ZFPM1: variants seen among roughly 807,000 people sequenced by gnomAD.
ZFPM1 encodes the protein zinc finger protein ZFPM1.
ZFPM1 carries 28 observed loss-of-function variants against 46.3 expected under a neutral mutation model. That is an observed-to-expected ratio of 0.60 (90% confidence interval 0.45 to 0.83). The LOEUF (loss-of-function observed/expected upper bound fraction) is 0.83, where lower values mean the gene tolerates loss of function less well. Among genes scored for constraint, ZFPM1 ranks in the 40% least tolerant of loss-of-function variants. The pLI is 0.00. For synonymous variants in ZFPM1, 957 were observed against 675.9 expected (o/e 1.42, Z -6.45); for missense variants, 1,878 against 1,432.4 (o/e 1.31, Z -5.02).
rs919848808 is a variant in ZFPM1 at position 88,453,535 on chromosome 16, G to C, written c.-104G>C. ...GCCGGGGCGGCCGCGGAGACCGGGGGCCGGGGGCATGAGCGGCCCCGCGGC... is the reference window on the plus strand; with the variant it reads ...GCCGGGGCGGCCGCGGAGACCGGGGCCCGGGGGCATGAGCGGCCCCGCGGC... On this transcript the variant is annotated 5_prime_UTR_variant, in exon 1 of 10. Coordinates refer to ENST00000319555, the MANE Select transcript of ZFPM1 (RefSeq NM_153813.3). 56 of 506,548 alleles carry C rather than the reference G, an allele frequency of 1.1e-4. No homozygotes were observed. The African/African-American group carries it at 1.1e-3, about 10-fold the overall frequency. 31.4% of individuals were successfully genotyped at this position (506,548 alleles called of 1,614,324 possible).
At position 88,480,904 on chromosome 16, in the gene ZFPM1, C is replaced by T. The variant is rs931527051; in HGVS notation, c.41-5035C>T. On this transcript the variant is annotated intron_variant, in intron 1 of 9. Coordinates refer to ENST00000319555, the MANE Select transcript of ZFPM1 (RefSeq NM_153813.3). The surrounding 1 kb of genome is among the most constrained non-coding windows in gnomAD (Gnocchi z 4.9). ...CCCCCCAGCGCCTCGCCATCAAAGC[C>T]GGGAGGGGCCACCTTAATCGTCGGT... Among the ~76,000 whole-genome samples, 15 of 152,212 alleles carry T rather than the reference C, an allele frequency of 9.9e-5. No individual in the cohort carries two copies. Among genetic ancestry groups the T allele is most frequent in the East Asian group, 1.9e-4 (1 of 5,198 alleles).
intron 4 of ZFPM1, among the ~76,000 whole-genome samples, chr16:88,523,506 G>T (rs1175753980): frequency 1.1e-4 from 16 of 152,106 alleles, no homozygotes; most frequent in Non-Finnish European, 2.4e-4. Flanking sequence ...CGGCCACTTG[G>T]CACCGGGCAA....
intron 1 of ZFPM1, among the ~76,000 whole-genome samples, chr16:88,482,806 G>A (rs761730311): frequency 5.3e-5 from 8 of 152,264 alleles, no homozygotes; most frequent in East Asian, 3.9e-4. Flanking sequence ...CAGAAAGCCC[G>A]GGCCTCTAGA....
rs145935096 is a variant in ZFPM1 at position 88,529,756 on chromosome 16, C to T, written c.712+1518C>T. On this transcript the variant is annotated intron_variant, in intron 6 of 9. Transcript: ENST00000319555. The stretch of plus-strand genomic sequence containing the variant: ...GAAATGACTACTGGTCCTGACAGTG[C>T]AGAGGTCGCCATGACCCTGACCGAG... 1.3e-3 allele frequency among the ~76,000 whole-genome samples: 203 copies of T among 152,320 alleles called. 2 individuals carry two copies. The highest frequency in any genetic ancestry group is 0.01 in the Middle Eastern group (3 of 294).
chr16:88,490,665 G>A (rs1237878047), intron 3 of ZFPM1, among the ~76,000 whole-genome samples: 1 of 152,204 alleles, frequency 6.6e-6, no homozygotes, highest in Non-Finnish European at 1.5e-5. Context: ...CCCACAACAG[G>A]GCAGCCGGGG....
chr16:88,524,859 G>A (rs553628217), intron 4 of ZFPM1, among the ~76,000 whole-genome samples: 21 of 152,332 alleles, frequency 1.4e-4, no homozygotes, highest in East Asian at 3.9e-4. Flanking sequence ...GTCTGCAGAG[G>A]AGAACCTGAG....
Position 88,516,462 on chromosome 16 carries a change from TG to T in ZFPM1, c.402+1946del, listed in dbSNP as rs200222194. The T allele has an allele frequency of 6.9e-4, 273 of 398,260 alleles. 1 individual carries two copies. Among genetic ancestry groups the T allele is most frequent in the African/African-American group, 5.4e-3 (261 of 48,692 alleles). The allele number at this position is 398,260 out of a possible 1,614,324, so 24.7% of individuals were successfully genotyped here. A position where few individuals can be genotyped will look rare whatever the true frequency, so the allele number is the denominator to read the frequency against. ...GGCCAGAGGAGCCGCTGGGGCTCTGTGGGGAGCCCGGGGAGGAAGGAGCCCC... is the reference window on the plus strand; with the variant it reads ...GGCCAGAGGAGCCGCTGGGGCTCTGTGGGAGCCCGGGGAGGAAGGAGCCCC... On this transcript the variant is annotated intron_variant, in intron 4 of 9. Transcript: ENST00000319555.
chr16:88,521,478 G>A (rs1911880699), intron 4 of ZFPM1, among the ~76,000 whole-genome samples: 2 of 151,076 alleles, frequency 1.3e-5, no homozygotes, highest in South Asian at 4.2e-4. Context: ...GGGACCCCCC[G>A]CTAAGGTATC....
At position 88,519,958 on chromosome 16, in the gene ZFPM1, G is replaced by A. The variant is rs146345834; in HGVS notation, c.402+5438G>A. Among the ~76,000 whole-genome samples, 357 of 151,306 alleles carry A rather than the reference G, an allele frequency of 2.4e-3. 1 individual carries two copies. The South Asian group carries it at 0.035, about 15-fold the overall frequency. On this transcript the variant is annotated intron_variant, in intron 4 of 9. Transcript: ENST00000319555. Reference sequence around the variant, plus strand: ...GAGTGGATGGATGGATGAATGGATGGATGGATGGATGGATAGTGGGTAGGT... The same window carrying A: ...GAGTGGATGGATGGATGAATGGATGAATGGATGGATGGATAGTGGGTAGGT...
chr16:88,477,958 G>C (rs57583082), intron 1 of ZFPM1, among the ~76,000 whole-genome samples: 2 of 143,788 alleles, frequency 1.4e-5, no homozygotes, highest in Admixed American at 1.4e-4. Flanking sequence ...GCCTGAGGCC[G>C]ACCTCGGAGG....
rs750627572 is a variant in ZFPM1 at position 88,533,488 on chromosome 16, C to A, written c.1530C>A (p.Gly510=). ...CCGAGCTGTCCAGCCCCACGCCGGG[C>A]TCCAGCCCGGTGCCCGGCGAGCTGG... The part of the protein sequence containing the change: ...VKAELSSPTP[G]SSPVPGELGL... Residue 510 remains glycine, a synonymous_variant, in exon 10 of 10, where the codon GGC becomes GGA. Transcript: ENST00000319555. The A allele has an allele frequency of 1.1e-5, 15 of 1,402,398 alleles. No homozygotes were observed. In the East Asian group the frequency reaches 4.3e-4, roughly 41 times the overall value. The allele number at this position is 1,402,398 out of a possible 1,614,324, so 86.9% of individuals were successfully genotyped here.
intron 3 of ZFPM1, among the ~76,000 whole-genome samples, chr16:88,491,727 C>G (rs1459881059): frequency 6.6e-6 from 1 of 152,232 alleles, no homozygotes; most frequent in Non-Finnish European, 1.5e-5. Flanking sequence ...TGTGCATCCT[C>G]AGGACCAGGC....
chr16:88,534,472 C>T lies in ZFPM1; in HGVS notation c.2514C>T (p.Tyr838=). 6.7e-7 allele frequency: 1 copy of T among 1,487,972 alleles called. No individual in the cohort carries two copies. Among genetic ancestry groups the T allele is most frequent in the Non-Finnish European group, 8.9e-7 (1 of 1,125,522 alleles). 92.2% of individuals were successfully genotyped at this position (1,487,972 alleles called of 1,614,324 possible). ...AGGCCTACCTGGCGCACAAGAAGTA[C>T]TCGTGCCCCGCTGCGCCACCGCCCG... ...SLEAYLAHKK[Y]SCPAAPPPGA... The change falls in exon 10 of 10, where the codon TAC becomes TAT. Residue 838 remains tyrosine (Y), a synonymous_variant. Transcript: ENST00000319555.
At position 88,489,369 on chromosome 16, in the gene ZFPM1, G is replaced by A. The variant is rs1015126225; in HGVS notation, c.268+216G>A. 7 of 678,460 alleles carry A rather than the reference G, an allele frequency of 1.0e-5. No individual in the cohort carries two copies. The African/African-American group carries it at 1.3e-4, about 13-fold the overall frequency. The allele number at this position is 678,460 out of a possible 1,614,324, so 42.0% of individuals were successfully genotyped here. On this transcript the variant is annotated intron_variant, in intron 3 of 9. Coordinates refer to ENST00000319555, the MANE Select transcript of ZFPM1 (RefSeq NM_153813.3). ...GCGCCAATCCCGGGCCTCACGTGGTGTACAAGGAAGCGCTGGGGGGTTCCC... is the reference window on the plus strand; with the variant it reads ...GCGCCAATCCCGGGCCTCACGTGGTATACAAGGAAGCGCTGGGGGGTTCCC...
intron 3 of ZFPM1, among the ~76,000 whole-genome samples, chr16:88,513,771 C>T (rs1911113186): frequency 6.6e-6 from 1 of 152,188 alleles, no homozygotes. Flanking sequence ...CACCAGGCTC[C>T]TTCCAGAGGC....
chr16:88,493,687 C>G (rs1170563111), intron 3 of ZFPM1, among the ~76,000 whole-genome samples: 1 of 151,896 alleles, frequency 6.6e-6, no homozygotes, highest in Non-Finnish European at 1.5e-5. Context: ...TTGCGGAGAG[C>G]TGTCCTGGCA....
chr16:88,532,595 T>C lies in ZFPM1; in HGVS notation c.947-19T>C. 6.4e-7 allele frequency: 1 copy of C among 1,552,912 alleles called. No individual in the cohort carries two copies. Among genetic ancestry groups the C allele is most frequent in the Non-Finnish European group, 8.7e-7 (1 of 1,147,926 alleles). Reference sequence around the variant, plus strand: ...GTTAAGCTGGCCCGGGCACCGCTCTTACGCGCCCTGTGTTCCAGGAGAGCG... The same window carrying C: ...GTTAAGCTGGCCCGGGCACCGCTCTCACGCGCCCTGTGTTCCAGGAGAGCG... On this transcript the variant is annotated intron_variant, in intron 7 of 9. Transcript: ENST00000319555.
rs1913019999 is a variant in ZFPM1, at chr16:88,533,831, C to G, written c.1873C>G (p.Pro625Ala). 5 of 996,350 alleles carry G rather than the reference C, an allele frequency of 5.0e-6. No homozygotes were observed. The highest frequency in any genetic ancestry group is 6.0e-6 in the Non-Finnish European group (5 of 834,816). 61.7% of individuals were successfully genotyped at this position (996,350 alleles called of 1,614,324 possible). A position where few individuals can be genotyped will look rare whatever the true frequency, so the allele number is the denominator to read the frequency against. ...PKAPPGPARA[P>A]PGQPAEPDAP... ...GGCGCCCCCCGGCCCGGCCCGCGCG[C>G]CCCCCGGCCAGCCCGCCGAACCCGA... The change falls in exon 10 of 10, where the codon CCC becomes GCC. Residue 625 changes from proline (P) to alanine (A), a missense_variant. By Grantham distance (27) the Pro-to-Ala change is conservative. Transcript: ENST00000319555.
intron 4 of ZFPM1, among the ~76,000 whole-genome samples, chr16:88,515,128 G>C (rs1003084633): frequency 2.0e-5 from 3 of 152,224 alleles, no homozygotes; most frequent in Non-Finnish European, 4.4e-5. Context: ...CTCCGAAGAG[G>C]GTATAATGGT....
Sources: gnomAD v4.1 joint callset for allele counts (sites outside exome capture counted in the v4.1 genomes callset) on GRCh38, gnomAD v4.1.1 for gene constraint, Gnocchi (gnomAD v3.1) non-coding constraint, MANE v1.5 for transcripts, NCBI Gene and HGNC (gene_info 2026-07-23, HGNC 2026-07-21) for gene names.